AKR1C8: variants seen among roughly 807,000 people sequenced by gnomAD.
AKR1C8 encodes aldo-keto reductase family 1 member C-like protein 1.
At chr10:5,129,246 C>A in the AKR1C8 span, among the ~76,000 whole-genome samples, 2 of 151,896 alleles carry the variant, frequency 1.3e-5, no homozygotes, top group Admixed American at 6.6e-5. Context: ...AATAGTGACA[C>A]AATGAAGACC....
At chr10:5,181,196 G>T in the AKR1C8 span, among the ~76,000 whole-genome samples, 1 of 152,036 alleles carries the variant, frequency 6.6e-6, no homozygotes, top group Non-Finnish European at 1.5e-5. Flanking sequence ...ATTATTAAAG[G>T]TTTATAAAAA....
chr10:5,171,675 G>C, the AKR1C8 span, among the ~76,000 whole-genome samples: 1 of 151,950 alleles, frequency 6.6e-6, no homozygotes, highest in South Asian at 2.1e-4. Flanking sequence ...TTTTGTTAAA[G>C]AGCAGGTTAG....
the AKR1C8 span, among the ~76,000 whole-genome samples, chr10:5,183,067 A>T: frequency 6.6e-6 from 1 of 152,186 alleles, no homozygotes; most frequent in African/African-American, 2.4e-5. Context: ...AACTTGCCAT[A>T]CATTTGTTAT....
At chr10:5,158,175 C>G in the AKR1C8 span, among the ~76,000 whole-genome samples, 1 of 152,080 alleles carries the variant, frequency 6.6e-6, no homozygotes, top group Non-Finnish European at 1.5e-5. Context: ...CAAAACTAAT[C>G]TAAGGTGAAA....
chr10:5,155,557 C>T, the AKR1C8 span: 1 of 341,516 alleles, frequency 2.9e-6, no homozygotes, highest in Non-Finnish European at 6.1e-6. Context: ...CAGGGCATCT[C>T]CTATTTCACC....
chr10:5,180,528 G>A, the AKR1C8 span, among the ~76,000 whole-genome samples: 3 of 152,228 alleles, frequency 2.0e-5, no homozygotes, highest in African/African-American at 7.2e-5. Flanking sequence ...GGACATTTAA[G>A]TCTGCAGAGG....
chr10:5,123,849 A>T, the AKR1C8 span: 109 of 1,594,646 alleles, frequency 6.8e-5, 1 homozygote, highest in East Asian at 9.0e-4. Flanking sequence ...GAAAAACATC[A>T]GATAATATGA....
chr10:5,139,100 G>T, the AKR1C8 span, among the ~76,000 whole-genome samples: 1 of 152,164 alleles, frequency 6.6e-6, no homozygotes. Context: ...ACTTACAAGG[G>T]ATGTGAAGGA....
chr10:5,132,212 C>A, the AKR1C8 span, among the ~76,000 whole-genome samples: 1 of 152,154 alleles, frequency 6.6e-6, no homozygotes, highest in Non-Finnish European at 1.5e-5. Flanking sequence ...GGGATAAAAG[C>A]CTACATATTG....
At chr10:5,162,910 A>G in the AKR1C8 span, 3 of 534,644 alleles carry the variant, frequency 5.6e-6, no homozygotes, top group Admixed American at 3.9e-5. Flanking sequence ...TCTTCTCCCA[A>G]ATGGCCTGTC....
the AKR1C8 span, among the ~76,000 whole-genome samples, chr10:5,141,322 C>T: frequency 6.6e-6 from 1 of 152,128 alleles, no homozygotes; most frequent in Non-Finnish European, 1.5e-5. Context: ...ATTTCCATTA[C>T]ATCTGCAGTT....
chr10:5,134,300 C>T, the AKR1C8 span, among the ~76,000 whole-genome samples: 1 of 152,122 alleles, frequency 6.6e-6, no homozygotes, highest in Non-Finnish European at 1.5e-5. Context: ...TGTTGATGGT[C>T]TTCAAGATGT....
the AKR1C8 span, among the ~76,000 whole-genome samples, chr10:5,149,228 C>A: frequency 6.6e-6 from 1 of 151,998 alleles, no homozygotes. Flanking sequence ...AGTGTAGACT[C>A]TAATAACAGG....
the AKR1C8 span, among the ~76,000 whole-genome samples, chr10:5,173,390 G>A: frequency 2.6e-5 from 4 of 152,078 alleles, no homozygotes; most frequent in Admixed American, 2.6e-4. Flanking sequence ...TTTTGAATGT[G>A]TAACAGGTGC....
At chr10:5,183,715 A>C in the AKR1C8 span, among the ~76,000 whole-genome samples, 1 of 152,198 alleles carries the variant, frequency 6.6e-6, no homozygotes, top group Non-Finnish European at 1.5e-5. Context: ...AAACAGTTAG[A>C]GTGAGTTCTT....
chr10:5,127,652 G>T, the AKR1C8 span, among the ~76,000 whole-genome samples: 4 of 149,666 alleles, frequency 2.7e-5, no homozygotes, highest in Non-Finnish European at 5.9e-5. Flanking sequence ...CTGGGAGGAG[G>T]AGGTTGCAGC....
chr10:5,120,363 C>A, the AKR1C8 span, among the ~76,000 whole-genome samples: 2 of 61,644 alleles, frequency 3.2e-5, no homozygotes, highest in Non-Finnish European at 5.9e-5. Flanking sequence ...GTCTTTAATT[C>A]CTCTAGTGCC....
chr10:5,139,213 T>C, the AKR1C8 span, among the ~76,000 whole-genome samples: 5 of 152,112 alleles, frequency 3.3e-5, no homozygotes, highest in Non-Finnish European at 7.4e-5. Flanking sequence ...ATGGTGAAAA[T>C]GGCCATACTG....
At chr10:5,176,888 TG>T in the AKR1C8 span, among the ~76,000 whole-genome samples, 1 of 152,170 alleles carries the variant, frequency 6.6e-6, no homozygotes, top group Non-Finnish European at 1.5e-5. Flanking sequence ...GCTGAGACGA[TG>T]GGGTTTTCTA....
Sources: allele counts gnomAD v4.1 joint callset (sites outside exome capture counted in the v4.1 genomes callset), GRCh38; gene constraint gnomAD v4.1.1; transcripts MANE v1.5; gene names NCBI Gene and HGNC (gene_info 2026-07-23, HGNC 2026-07-21).